Variants in NACA observed in about 807,000 individuals in gnomAD.
NACA encodes the protein nascent polypeptide-associated complex subunit alpha.
Under a neutral mutation model 86.4 loss-of-function variants are expected in NACA, and 42 were observed. The observed-to-expected ratio is 0.49, with a 90% confidence interval of 0.38 to 0.63. The LOEUF is 0.63. NACA is among the 20% of genes least tolerant of loss of function. The pLI is 0.00. For synonymous variants in NACA, 898 were observed against 973.7 expected, an observed-to-expected ratio of 0.92 and a Z score of 1.45; for missense variants, 2,157 against 2,483.6, an observed-to-expected ratio of 0.87 and a Z score of 2.80.
At position 56,716,243 on chromosome 12, in the gene NACA, C is replaced by T. The variant is rs757379727; in HGVS notation, c.5287G>A (p.Ala1763Thr). Residue 1763 changes from alanine to threonine, a missense_variant, in exon 3 of 9, where the codon GCT becomes ACT. Around this residue, in one of 8 missense-constraint regions of NACA, gnomAD observed 797 missense variants for 777.6 expected, o/e 1.02. Transcript: ENST00000454682. Reference sequence around the variant, plus strand: ...GTGGACGCCTTAGACTCAGGAGGAGCCAAGGGGCCCTTTGGGGAATGAGAA... The same window carrying T: ...GTGGACGCCTTAGACTCAGGAGGAGTCAAGGGGCCCTTTGGGGAATGAGAA... ...DASHSPKGPL[A>T]PPESKASTPL... The T allele has an allele frequency of 6.2e-7, 1 of 1,613,754 alleles. No individual in the cohort carries two copies. The highest frequency in any genetic ancestry group is 1.1e-5 in the South Asian group (1 of 91,068).
intron 3 of NACA, 130 bp downstream of exon 3, chr12:56,715,741 T>TG (rs1953335471): frequency 7.2e-6 from 6 of 834,212 alleles, no homozygotes; most frequent in Non-Finnish European, 1.1e-5. Flanking sequence ...TATCATTCTA[T>TG]GTTCTACATC....
In NACA at chr12:56,719,350, G is replaced by A. The variant is rs778591830; in HGVS notation, c.2180C>T (p.Ala727Val). ...TCAPLATLVL[A>V]PEIPKSVPSP... ...GGGCACAGACTTTGGGATTTCAGGG[G>A]CCAGCACTAAGGTAGCCAGAGGAGC... Residue 727 changes from alanine to valine, a missense_variant, in exon 3 of 9, where the codon GCC becomes GTC. Coordinates refer to ENST00000454682, the MANE Select transcript of NACA (RefSeq NM_001365896.1). 13 of 1,608,606 alleles carry A rather than the reference G, an allele frequency of 8.1e-6. No individual in the cohort carries two copies. The East Asian group carries it at 2.7e-4, about 33-fold the overall frequency.
Position 56,720,375 on chromosome 12 carries a change from G to A in NACA, c.1155C>T (p.Pro385=). 1 of 1,613,902 alleles carries A rather than the reference G, an allele frequency of 6.2e-7. No individual in the cohort carries two copies. The highest frequency in any genetic ancestry group is 8.5e-7 in the Non-Finnish European group (1 of 1,179,854). ...TGCAGGTTATGCTAGAGATGGTAGA[G>A]GGACCTTTGTCAACAGATGGAGCCA... is the stretch of plus-strand genomic sequence containing the variant. ...PVVAPSVDKG[P]STISSITCSP... The change falls in exon 3 of 9, where the codon CCC becomes CCT. Residue 385 remains proline (P), a synonymous_variant. Transcript: ENST00000454682.
intron 8 of NACA, 93 bp from the exon 9 acceptor site, chr12:56,712,645 G>C: frequency 1.3e-6 from 2 of 1,594,952 alleles, no homozygotes; most frequent in South Asian, 2.2e-5. Flanking sequence ...GGAGAATTTA[G>C]GCCACTAAAA....
chr12:56,714,258 G>C (rs1434572326), intron 5 of NACA, 104 bp downstream of exon 5: 1 of 1,234,880 alleles, frequency 8.1e-7, no homozygotes, highest in Admixed American at 2.1e-5. Context: ...GAACTTACTT[G>C]TATAACCAAA....
At position 56,717,662 on chromosome 12, in the gene NACA, C is replaced by T. The variant is rs377020953; in HGVS notation, c.3868G>A (p.Ala1290Thr). ...TPPHKGAPNP[A>T]VVTPPSPKGG... is the part of the protein sequence containing the mutation. ...TTTGGAGAGGGAGGAGTTACAACTGCGGGATTGGGGGCCCCTTTGTGGGGT... is the reference window on the plus strand; with the variant it reads ...TTTGGAGAGGGAGGAGTTACAACTGTGGGATTGGGGGCCCCTTTGTGGGGT... Residue 1290 changes from alanine (A) to threonine (T), a missense_variant, in exon 3 of 9, where the codon GCA becomes ACA. Ala to Thr is a moderately conservative substitution (Grantham distance 58). Transcript: ENST00000454682. 2.0e-4 allele frequency: 210 copies of T among 1,059,514 alleles called. No homozygotes were observed. In the African/African-American group the frequency reaches 3.8e-3, roughly 19 times the overall value. 65.6% of individuals were successfully genotyped at this position (1,059,514 alleles called of 1,614,324 possible).
rs2137808179 is a variant in NACA, at chr12:56,716,567, C to T, written c.4963G>A (p.Ala1655Thr). Reference protein sequence around the residue: ...SSLKDSPTSPASVTCKMGATV... With the variant: ...SSLKDSPTSPTSVTCKMGATV... ...GCCCCCATTTTACATGTGACAGAAG[C>T]TGGGGAAGTAGGGGAGTCTTTGAGG... The change falls in exon 3 of 9, where the codon GCT becomes ACT. Residue 1655 changes from alanine (A) to threonine (T), a missense_variant. Around this residue, in one of 8 missense-constraint regions of NACA, gnomAD observed 797 missense variants for 777.6 expected, o/e 1.02. Coordinates refer to ENST00000454682, the MANE Select transcript of NACA (RefSeq NM_001365896.1). 6.9e-7 allele frequency: 1 copy of T among 1,459,512 alleles called. No homozygotes were observed. The highest frequency in any genetic ancestry group is 3.0e-5 in the East Asian group (1 of 33,776). The allele number at this position is 1,459,512 out of a possible 1,614,324, so 90.4% of individuals were successfully genotyped here. A position where few individuals can be genotyped will look rare whatever the true frequency, so the allele number is the denominator to read the frequency against.
rs759222491 is a variant in NACA, at chr12:56,718,449, T to G, written c.3081A>C (p.Pro1027=). The G allele has an allele frequency of 2.7e-6, 3 of 1,106,420 alleles. No homozygotes were observed. The highest frequency in any genetic ancestry group is 1.3e-4 in the East Asian group (2 of 15,036). 68.5% of individuals were successfully genotyped at this position (1,106,420 alleles called of 1,614,324 possible). A position where few individuals can be genotyped will look rare whatever the true frequency, so the allele number is the denominator to read the frequency against. The part of the protein sequence containing the change: ...PSPKGSPAAT[P]FPKGASTPPA... ...GGGGTGTGGATGCCCCTTTGGGGAA[T>G]GGGGTAGCTGCTGGACTTCCTTTGG... The change falls in exon 3 of 9, where the codon CCA becomes CCC. Residue 1027 remains proline, a synonymous_variant. Transcript: ENST00000454682.
In NACA at chr12:56,716,593, G is replaced by A; in HGVS notation, c.4937C>T (p.Ser1646Phe). The change falls in exon 3 of 9, where the codon TCC (serine) becomes TTC (phenylalanine). Residue 1646 changes from serine (S) to phenylalanine (F), a missense_variant. Around this residue, in one of 8 missense-constraint regions of NACA, gnomAD observed 797 missense variants for 777.6 expected, o/e 1.02. Transcript: ENST00000454682. ...TGGGGAAGTAGGGGAGTCTTTGAGG[G>A]AGGAAGGAGTCACAGGTGGGGAAGT... ...TPTSPPVTPS[S>F]LKDSPTSPAS... is the part of the protein sequence containing the mutation. 1 of 1,453,526 alleles carries A rather than the reference G, an allele frequency of 6.9e-7. No individual in the cohort carries two copies. Among genetic ancestry groups the A allele is most frequent in the Non-Finnish European group, 9.3e-7 (1 of 1,075,698 alleles). 90.0% of individuals were successfully genotyped at this position (1,453,526 alleles called of 1,614,324 possible).
Position 56,718,335 on chromosome 12 carries a change from G to C in NACA, c.3195C>G (p.Pro1065=), listed in dbSNP as rs201859253. Residue 1065 remains proline, a synonymous_variant, in exon 3 of 9, where the codon CCC becomes CCG. Transcript: ENST00000454682. ...GGGTAGCTGGACCTCCTTTTGGGGA[G>C]GGAAGAGTTGCAGCTGGGGTTGTGG... ...GAPTTPAATL[P]SPKGGPATPS... is the part of the protein sequence containing the mutation. 1.8e-6 allele frequency: 2 copies of C among 1,139,688 alleles called. No homozygotes were observed. Among genetic ancestry groups the C allele is most frequent in the Non-Finnish European group, 2.2e-6 (2 of 914,950 alleles). The allele number at this position is 1,139,688 out of a possible 1,614,324, so 70.6% of individuals were successfully genotyped here.
chr12:56,724,203 T>G (rs1205175351), intron 2 of NACA, among the ~76,000 whole-genome samples: 1 of 152,168 alleles, frequency 6.6e-6, no homozygotes, highest in Non-Finnish European at 1.5e-5. Flanking sequence ...CAGGAGAGCT[T>G]CTTTTGAGGC....
chr12:56,712,561 G>C lies in NACA; in HGVS notation c.6223-9C>G. ...GGTTACATTGTTAATTCCTGTAACA[G>C]AGAAAAGATAATTAGCGGTTCTTAT... On this transcript the variant is annotated splice_polypyrimidine_tract_variant and intron_variant, in intron 8 of 8. Transcript: ENST00000454682. The C allele has an allele frequency of 6.2e-7, 1 of 1,613,582 alleles. No individual in the cohort carries two copies. Among genetic ancestry groups the C allele is most frequent in the Non-Finnish European group, 8.5e-7 (1 of 1,179,746 alleles).
chr12:56,713,438 T>C (rs1953268890), intron 6 of NACA, 99 bp downstream of exon 6: 4 of 1,454,610 alleles, frequency 2.7e-6, no homozygotes, highest in South Asian at 1.3e-5. Flanking sequence ...ATGTAATGGA[T>C]AGCCCTTCCA....
intron 3 of NACA, among the ~76,000 whole-genome samples, chr12:56,714,931 A>G (rs1037199437): frequency 1.3e-5 from 2 of 152,204 alleles, no homozygotes; most frequent in African/African-American, 2.4e-5. Flanking sequence ...GAAATAGCTG[A>G]GCAGTTTAAT....
chr12:56,722,651 G>A (rs1249929984), intron 2 of NACA, among the ~76,000 whole-genome samples: 1 of 152,052 alleles, frequency 6.6e-6, no homozygotes, highest in Non-Finnish European at 1.5e-5. Flanking sequence ...TCGCGCTACT[G>A]CATGCACTCC....
chr12:56,712,648 C>T (rs1953250086), intron 8 of NACA, 96 bp from the exon 9 acceptor site: 1 of 1,591,890 alleles, frequency 6.3e-7, no homozygotes, highest in East Asian at 2.2e-5. Flanking sequence ...GAATTTAGGC[C>T]ACTAAAACCT....
chr12:56,713,875 T>C (rs1953280280), intron 5 of NACA, 192 bp from the exon 6 acceptor site: 2 of 594,978 alleles, frequency 3.4e-6, no homozygotes, highest in Admixed American at 3.2e-5. Flanking sequence ...CAGGTCTTGC[T>C]CTGTCGCCCA....
At chr12:56,722,269 C>T (rs1055058069) in intron 2 of NACA, among the ~76,000 whole-genome samples, 1 of 152,234 alleles carries the variant, frequency 6.6e-6, no homozygotes, top group South Asian at 2.1e-4. Context: ...ATTCTTCAGA[C>T]ATCAATCCAA....
Position 56,716,073 on chromosome 12 carries a change from G to A in NACA, c.5457C>T (p.Ser1819=), listed in dbSNP as rs1357441776. The A allele has an allele frequency of 6.2e-7, 1 of 1,612,840 alleles. No individual in the cohort carries two copies. The highest frequency in any genetic ancestry group is 1.1e-5 in the South Asian group (1 of 91,034). The change falls in exon 3 of 9, where the codon TCC becomes TCT. Residue 1819 remains serine, a synonymous_variant. Coordinates refer to ENST00000454682, the MANE Select transcript of NACA (RefSeq NM_001365896.1). ...GTGATTCCAACACCAGCCCAGGAGA[G>A]GACGGCAGAAATTGCTGTTTAGGAG... The part of the protein sequence containing the change: ...TLPPKQQFLP[S]SPGLVLESPS...
Sources: gnomAD v4.1 joint callset for allele counts (sites outside exome capture counted in the v4.1 genomes callset) on GRCh38, gnomAD v4.1.1 for gene constraint, gnomAD v4.1.1 regional missense constraint, MANE v1.5 for transcripts, NCBI Gene and HGNC (gene_info 2026-07-23, HGNC 2026-07-21) for gene names.